CACNA2D1: variants seen among roughly 807,000 people sequenced by gnomAD.
CACNA2D1 encodes calcium voltage-gated channel auxiliary subunit alpha2delta 1, also known as voltage-dependent calcium channel subunit alpha-2/delta-1.
A neutral mutation model predicts 171.5 loss-of-function variants in CACNA2D1; 53 were observed. The observed-to-expected ratio is 0.31, with a 90% CI of 0.25 to 0.39. The LOEUF is 0.39. Among genes scored for constraint, CACNA2D1 ranks in the 10% least tolerant of loss-of-function variants. The pLI, the probability that CACNA2D1 is intolerant of heterozygous loss-of-function variation, is 1.00. For missense variants in CACNA2D1, 903 were observed against 1,299.8 expected (o/e 0.69, Z 4.69); for synonymous variants, 442 against 443.1 (o/e 1.00, Z 0.03).
intron 3 of CACNA2D1, among the ~76,000 whole-genome samples, chr7:82,282,485 T>G (rs930770375): frequency 6.6e-6 from 1 of 152,096 alleles, no homozygotes; most frequent in Non-Finnish European, 1.5e-5. Context: ...GTTGACCCCT[T>G]TGAGACAGGT....
At chr7:82,108,516 G>T (rs1332804394) in intron 6 of CACNA2D1, among the ~76,000 whole-genome samples, 1 of 152,016 alleles carries the variant, frequency 6.6e-6, no homozygotes, top group East Asian at 1.9e-4. Flanking sequence ...ATATAAATTG[G>T]GGATGGAGGG....
At chr7:82,239,187 A>T (rs1803959106) in intron 3 of CACNA2D1, among the ~76,000 whole-genome samples, 1 of 152,142 alleles carries the variant, frequency 6.6e-6, no homozygotes, top group Non-Finnish European at 1.5e-5. Flanking sequence ...TGCCAAGAAA[A>T]TAAGAATATG....
At chr7:81,998,307 A>C (rs185322193) in intron 18 of CACNA2D1, among the ~76,000 whole-genome samples, 104 of 152,180 alleles carry the variant, frequency 6.8e-4, no homozygotes, top group African/African-American at 2.4e-3. Context: ...TTCCAGTAAC[A>C]AACGCAAACT....
chr7:82,061,857 G>A (rs1011131631), intron 9 of CACNA2D1, among the ~76,000 whole-genome samples: 3 of 152,146 alleles, frequency 2.0e-5, no homozygotes, highest in Non-Finnish European at 4.4e-5. Context: ...TGGGTGGGGA[G>A]CACAGGATTG....
chr7:82,293,511 G>A (rs925980415), intron 3 of CACNA2D1, among the ~76,000 whole-genome samples: 4 of 152,184 alleles, frequency 2.6e-5, no homozygotes, highest in African/African-American at 9.7e-5. Flanking sequence ...AGTCTCTGAA[G>A]AGCTCCTCTC....
At chr7:82,358,836 T>C (rs993667014) in intron 1 of CACNA2D1, among the ~76,000 whole-genome samples, 21 of 152,204 alleles carry the variant, frequency 1.4e-4, no homozygotes, top group Non-Finnish European at 2.4e-4. Context: ...AGATCTTCTT[T>C]TCCACTATCT....
At chr7:82,297,096 A>AAAAAAAAAAAT (rs1377126136) in intron 3 of CACNA2D1, among the ~76,000 whole-genome samples, 2 of 133,146 alleles carry the variant, frequency 1.5e-5, no homozygotes, top group African/African-American at 5.8e-5. Flanking sequence ...AAAAAAAAAA[A>AAAAAAAAAAAT]ATTAGCCAGG....
intron 4 of CACNA2D1, among the ~76,000 whole-genome samples, chr7:82,167,004 A>G (rs754981587): frequency 4.6e-5 from 7 of 152,054 alleles, no homozygotes; most frequent in South Asian, 2.1e-4. Context: ...CCTAAGTAAT[A>G]TTAATGAAAC....
chr7:82,160,127 C>T (rs1415684667), intron 4 of CACNA2D1, among the ~76,000 whole-genome samples: 1 of 151,842 alleles, frequency 6.6e-6, no homozygotes, highest in Non-Finnish European at 1.5e-5. Context: ...TGGAAACAGA[C>T]TGATTTCAGA....
intron 27 of CACNA2D1, among the ~76,000 whole-genome samples, chr7:81,970,409 T>A (rs565664244): frequency 6.6e-6 from 1 of 151,536 alleles, no homozygotes; most frequent in Non-Finnish European, 1.5e-5. Flanking sequence ...TTAGCTTGTA[T>A]CTACAAAGAG....
chr7:82,259,800 C>T (rs1181467209), intron 3 of CACNA2D1, among the ~76,000 whole-genome samples: 2 of 152,192 alleles, frequency 1.3e-5, no homozygotes, highest in South Asian at 2.1e-4. Flanking sequence ...TACTGACTAA[C>T]ACTTATTAGT....
At chr7:82,216,809 T>G (rs2129237835) in intron 3 of CACNA2D1, among the ~76,000 whole-genome samples, 1 of 151,832 alleles carries the variant, frequency 6.6e-6, no homozygotes, top group East Asian at 1.9e-4. Flanking sequence ...ATAAATTTTT[T>G]TTTAAAAAAA....
At chr7:82,231,843 A>G (rs1047560837) in intron 3 of CACNA2D1, among the ~76,000 whole-genome samples, 5 of 152,200 alleles carry the variant, frequency 3.3e-5, no homozygotes, top group African/African-American at 1.2e-4. Context: ...AAATAATGGT[A>G]ATCATGATAT....
chr7:82,098,943 C>T (rs1185643727), intron 6 of CACNA2D1, among the ~76,000 whole-genome samples: 2 of 152,112 alleles, frequency 1.3e-5, no homozygotes, highest in Admixed American at 6.5e-5. Context: ...GCATATTTCT[C>T]AAAACACAAA....
intron 3 of CACNA2D1, among the ~76,000 whole-genome samples, chr7:82,287,055 T>C (rs1250817637): frequency 1.3e-5 from 2 of 152,204 alleles, no homozygotes; most frequent in African/African-American, 4.8e-5. Flanking sequence ...TTATAGTTCA[T>C]TTATTATTAA....
intron 38 of CACNA2D1, 123 bp from the exon 39 acceptor site, chr7:81,950,631 A>G (rs1792408523): frequency 7.5e-7 from 1 of 1,336,386 alleles, no homozygotes; most frequent in Non-Finnish European, 1.0e-6. Flanking sequence ...ACCTTATAAA[A>G]CTGCTGTAAT....
At chr7:82,411,049 G>A (rs1827593471) in intron 1 of CACNA2D1, among the ~76,000 whole-genome samples, 1 of 152,128 alleles carries the variant, frequency 6.6e-6, no homozygotes, top group Admixed American at 6.5e-5. Context: ...TATTCTTTGA[G>A]AGAAGCAAGA....
intron 12 of CACNA2D1, among the ~76,000 whole-genome samples, chr7:82,016,624 A>C (rs1293336477): frequency 9.1e-6 from 1 of 110,072 alleles, no homozygotes; most frequent in Non-Finnish European, 2.1e-5. Context: ...CCCCCCCCCA[A>C]AAAAAAAGCT....
intron 3 of CACNA2D1, among the ~76,000 whole-genome samples, chr7:82,210,256 C>CTT (rs146028066): frequency 0.085 from 12,870 of 152,122 alleles, 726 homozygotes; most frequent in Non-Finnish European, 0.11. Context: ...TAGTTTGAAA[C>CTT]TAATTCTAAT....
Sources: allele counts gnomAD v4.1 joint callset (sites outside exome capture counted in the v4.1 genomes callset), GRCh38; gene constraint gnomAD v4.1.1; transcripts MANE v1.5; gene names NCBI Gene and HGNC (gene_info 2026-07-23, HGNC 2026-07-21).